Variants in HIP1 observed in about 807,000 individuals in gnomAD.
HIP1 encodes huntingtin interacting protein 1, also known as huntingtin-interacting protein 1.
A neutral mutation model predicts 147.6 loss-of-function variants in HIP1; 65 were observed. The observed-to-expected ratio is 0.44, with a 90% CI of 0.36 to 0.54. The LOEUF (loss-of-function observed/expected upper bound fraction) is 0.54, where lower values mean the gene tolerates loss of function less well. Ranked by LOEUF, HIP1 falls within the 20% of genes least tolerant of loss-of-function variation. The pLI is 0.00. For synonymous variants in HIP1, 479 were observed against 504.0 expected (o/e 0.95, Z 0.67); for missense variants, 1,061 against 1,299.6 (o/e 0.82, Z 2.82).
chr7:75,581,984 C>G (rs1554498687), intron 6 of HIP1, 91 bp downstream of exon 6: 1 of 1,051,438 alleles, frequency 9.5e-7, no homozygotes, highest in East Asian at 2.5e-5. Context: ...GCCACGGCCT[C>G]CCCCCATCAG....
At chr7:75,655,536 C>T (rs1004878185) in intron 1 of HIP1, among the ~76,000 whole-genome samples, 4 of 151,220 alleles carry the variant, frequency 2.6e-5, no homozygotes, top group Admixed American at 6.6e-5. Context: ...GAGCCGAGAT[C>T]GCACCACTGC....
chr7:75,637,979 C>A (rs369409655), intron 1 of HIP1, among the ~76,000 whole-genome samples: 644 of 4,640 alleles, frequency 0.14, 7 homozygotes, highest in Non-Finnish European at 0.25. Flanking sequence ...AGACCCAGAC[C>A]CCCCCCCCCC....
In HIP1 at chr7:75,715,774, C is replaced by CAAAAAAAAAAAAAAAAA. The variant is rs34769081; in HGVS notation, c.120+23010_120+23026dup. On this transcript the variant is annotated intron_variant, in intron 1 of 30. Transcript: ENST00000336926. ...TAGGCAACAGAGTGAGATCCTGTCT[C>CAAAAAAAAAAAAAAAAA]AAAAAAAAAAAAAAAAAAAAAAAAA... is the stretch of plus-strand genomic sequence containing the variant. Among the ~76,000 whole-genome samples the CAAAAAAAAAAAAAAAAA allele has an allele frequency of 3.0e-4, 11 of 36,714 alleles. 2 individuals carry two copies. The highest frequency in any genetic ancestry group is 7.0e-4 in the African/African-American group (6 of 8,542). The allele number at this position is 36,714 out of a possible 152,430, so 24.1% of individuals were successfully genotyped here.
At position 75,542,861 on chromosome 7, in the gene HIP1, G is replaced by T; in HGVS notation, c.2880C>A (p.Ile960=). The T allele has an allele frequency of 6.2e-7, 1 of 1,614,038 alleles. No homozygotes were observed. Among genetic ancestry groups the T allele is most frequent in the Non-Finnish European group, 8.5e-7 (1 of 1,179,986 alleles). The change falls in exon 28 of 31, where the codon ATC becomes ATA. Residue 960 remains isoleucine (I), a synonymous_variant. Coordinates refer to ENST00000336926, the MANE Select transcript of HIP1 (RefSeq NM_005338.7). ...VASTISGKSQ[I]EETDNMDFSS... ...CTTTGGAAAGGCTACCTGTCTCTTCGATCTGTGATTTGCCGGAAATGGTTG... is the reference window on the plus strand; with the variant it reads ...CTTTGGAAAGGCTACCTGTCTCTTCTATCTGTGATTTGCCGGAAATGGTTG...
At chr7:75,693,770 GGGAA>G (rs1214595169) in intron 1 of HIP1, among the ~76,000 whole-genome samples, 2 of 150,530 alleles carry the variant, frequency 1.3e-5, no homozygotes, top group African/African-American at 4.9e-5. Flanking sequence ...AGCTACTCGG[GGGAA>G]GGGAGGGAGG....
At chr7:75,607,529 T>TAA (rs140305342) in intron 1 of HIP1, among the ~76,000 whole-genome samples, 3 of 107,412 alleles carry the variant, frequency 2.8e-5, no homozygotes, top group Non-Finnish European at 5.6e-5. Flanking sequence ...ATGCCCAGCC[T>TAA]AAAAAAAAAA....
At chr7:75,595,579 A>G (rs1264821604) in intron 2 of HIP1, among the ~76,000 whole-genome samples, 1 of 151,934 alleles carries the variant, frequency 6.6e-6, no homozygotes, top group African/African-American at 2.4e-5. Flanking sequence ...CCTGGCCTCA[A>G]GAGATCCACC....
chr7:75,586,093 C>G (rs1425785559), intron 5 of HIP1, among the ~76,000 whole-genome samples: 1 of 152,060 alleles, frequency 6.6e-6, no homozygotes, highest in Non-Finnish European at 1.5e-5. Flanking sequence ...AGATTACAGG[C>G]ATGAGCCACT....
At chr7:75,682,016 CTCTTTTT>C in intron 1 of HIP1, among the ~76,000 whole-genome samples, 1 of 126,974 alleles carries the variant, frequency 7.9e-6, no homozygotes, top group South Asian at 2.6e-4. Context: ...AGGCAACAAC[CTCTTTTT>C]TTTTTTTTTT....
At chr7:75,651,320 A>C (rs534722090) in intron 1 of HIP1, among the ~76,000 whole-genome samples, 116 of 152,012 alleles carry the variant, frequency 7.6e-4, no homozygotes, top group African/African-American at 2.7e-3. Flanking sequence ...TTAGCCAGGC[A>C]TGGTAGTGGG....
At chr7:75,689,718 G>C (rs1800382331) in intron 1 of HIP1, among the ~76,000 whole-genome samples, 1 of 152,084 alleles carries the variant, frequency 6.6e-6, no homozygotes, top group African/African-American at 2.4e-5. Context: ...ACAAATCCAG[G>C]GGGAGGGCTA....
Position 75,581,225 on chromosome 7 carries a change from G to C in HIP1, c.604+12C>G. 6.2e-7 allele frequency: 1 copy of C among 1,601,576 alleles called. No individual in the cohort carries two copies. The highest frequency in any genetic ancestry group is 1.7e-5 in the Admixed American group (1 of 59,280). Reference sequence around the variant, plus strand: ...ATGAGAGCCTGGGTTAGACGGGAGGGAAGAGACTCACCTGTTTGGAAGAGG... The same window carrying C: ...ATGAGAGCCTGGGTTAGACGGGAGGCAAGAGACTCACCTGTTTGGAAGAGG... On this transcript the variant is annotated intron_variant, in intron 7 of 30. Coordinates refer to ENST00000336926, the MANE Select transcript of HIP1 (RefSeq NM_005338.7).
intron 1 of HIP1, among the ~76,000 whole-genome samples, chr7:75,673,922 G>C (rs2117252185): frequency 6.6e-6 from 1 of 152,008 alleles, no homozygotes; most frequent in South Asian, 2.1e-4. Context: ...GGAGGTTGAG[G>C]CTGGAGTGAT....
intron 2 of HIP1, among the ~76,000 whole-genome samples, chr7:75,595,247 T>TTCCTTCCTTCCTTCCTTCCTTC (rs1563230320): frequency 1.7e-4 from 14 of 82,948 alleles, no homozygotes; most frequent in African/African-American, 1.9e-4. Context: ...TTTCTTTCTT[T>TTCCTTCCTTCCTTCCTTCCTTC]CTTTCTTCCT....
At chr7:75,653,180 C>T (rs1192270203) in intron 1 of HIP1, among the ~76,000 whole-genome samples, 1 of 152,042 alleles carries the variant, frequency 6.6e-6, no homozygotes, top group Non-Finnish European at 1.5e-5. Context: ...TCTCATTAAG[C>T]AGAGGAATTC....
chr7:75,639,240 A>C (rs1345319740), intron 1 of HIP1: 1 of 910,014 alleles, frequency 1.1e-6, no homozygotes, highest in Non-Finnish European at 1.3e-6. Context: ...GACCGGAGAA[A>C]GGAAGGGGAG....
At chr7:75,648,911 G>A (rs1554511501) in intron 1 of HIP1, among the ~76,000 whole-genome samples, 1 of 152,140 alleles carries the variant, frequency 6.6e-6, no homozygotes, top group East Asian at 1.9e-4. Context: ...TTTGAGGCCA[G>A]TCTGGGCAAC....
chr7:75,726,753 G>A (rs1801662943), intron 1 of HIP1, among the ~76,000 whole-genome samples: 1 of 149,368 alleles, frequency 6.7e-6, no homozygotes, highest in South Asian at 2.1e-4. Context: ...CACCAGGCTG[G>A]AGTGCAGTGT....
chr7:75,646,801 A>G (rs1798816436), intron 1 of HIP1, among the ~76,000 whole-genome samples: 1 of 152,154 alleles, frequency 6.6e-6, no homozygotes, highest in Non-Finnish European at 1.5e-5. Flanking sequence ...GCCCCTGGGG[A>G]ACCCTGAGAG....
Sources: allele counts gnomAD v4.1 joint callset (sites outside exome capture counted in the v4.1 genomes callset), GRCh38; gene constraint gnomAD v4.1.1; transcripts MANE v1.5; gene names NCBI Gene and HGNC (gene_info 2026-07-23, HGNC 2026-07-21).